Variants in GRID2 observed in about 807,000 individuals in gnomAD.
The protein encoded by GRID2 is glutamate ionotropic receptor delta type subunit 2.
GRID2 carries 33 observed loss-of-function variants against 114.8 expected under a neutral mutation model. The ratio of observed to expected loss-of-function variants is 0.29; its 90% CI spans 0.22 to 0.38. The LOEUF is 0.38. Among genes scored for constraint, GRID2 ranks in the 10% least tolerant of loss-of-function variants. GRID2 has a pLI of 1.00. For synonymous variants in GRID2, 505 were observed against 449.9 expected, an observed-to-expected ratio of 1.12 and a Z score of -1.55; for missense variants, 1,184 against 1,257.7, an observed-to-expected ratio of 0.94 and a Z score of 0.89.
At chr4:92,537,750 C>T (rs1026821076) in intron 1 of GRID2, among the ~76,000 whole-genome samples, 5 of 150,588 alleles carry the variant, frequency 3.3e-5, no homozygotes, top group Non-Finnish European at 1.5e-5. Flanking sequence ...GGAATACAAA[C>T]AGCTGGCAAG....
intron 2 of GRID2, among the ~76,000 whole-genome samples, chr4:92,903,240 A>G (rs1283617227): frequency 2.7e-5 from 4 of 148,584 alleles, no homozygotes; most frequent in Admixed American, 6.7e-5. Context: ...TCTTGAAGGG[A>G]AAAAAAAAAC....
At chr4:92,474,276 C>T (rs1342270044) in intron 1 of GRID2, among the ~76,000 whole-genome samples, 2 of 151,892 alleles carry the variant, frequency 1.3e-5, no homozygotes, top group African/African-American at 4.8e-5. Flanking sequence ...ATATTTTTAT[C>T]TTTCTATGTC....
chr4:93,319,482 T>C (rs1219907814), intron 8 of GRID2: 1 of 151,656 alleles, frequency 6.6e-6, no homozygotes, highest in African/African-American at 2.4e-5. Flanking sequence ...CTCACCTTTG[T>C]TTTTTTTCCC....
intron 2 of GRID2, among the ~76,000 whole-genome samples, chr4:92,974,490 T>C (rs1000091575): frequency 2.0e-5 from 3 of 152,078 alleles, no homozygotes; most frequent in African/African-American, 7.2e-5. Flanking sequence ...ATATACACCA[T>C]GGAATACTTT....
At chr4:93,185,128 A>G (rs1740282099) in intron 4 of GRID2, among the ~76,000 whole-genome samples, 1 of 152,192 alleles carries the variant, frequency 6.6e-6, no homozygotes, top group African/African-American at 2.4e-5. Flanking sequence ...TGATTGACTT[A>G]TCCTTTAACT....
intron 10 of GRID2, among the ~76,000 whole-genome samples, chr4:93,440,886 C>T (rs1213367415): frequency 4.6e-5 from 7 of 152,036 alleles, no homozygotes; most frequent in South Asian, 2.1e-4. Flanking sequence ...AGATGGCAAG[C>T]GCAGATAAGT....
chr4:93,195,662 G>A (rs1741414327), intron 4 of GRID2, among the ~76,000 whole-genome samples: 1 of 152,100 alleles, frequency 6.6e-6, no homozygotes, highest in South Asian at 2.1e-4. Context: ...ACTATATACA[G>A]AAAAAGAATG....
chr4:93,015,953 A>C (rs1249653953), intron 2 of GRID2, among the ~76,000 whole-genome samples: 1 of 152,114 alleles, frequency 6.6e-6, no homozygotes, highest in East Asian at 1.9e-4. Flanking sequence ...AACAAATACA[A>C]ACCAAAGTTG....
intron 4 of GRID2, among the ~76,000 whole-genome samples, chr4:93,168,861 A>C (rs573725788): frequency 6.6e-6 from 1 of 152,164 alleles, no homozygotes; most frequent in Non-Finnish European, 1.5e-5. Flanking sequence ...AATGTGGTCC[A>C]TTTGTGCCCA....
chr4:92,794,455 C>G (rs1237156254), intron 2 of GRID2, among the ~76,000 whole-genome samples: 3 of 151,802 alleles, frequency 2.0e-5, no homozygotes, highest in Non-Finnish European at 4.4e-5. Flanking sequence ...AATACCAAAA[C>G]AAGATTCTCT....
At chr4:93,378,867 C>A (rs1228219011) in intron 8 of GRID2, among the ~76,000 whole-genome samples, 1 of 151,960 alleles carries the variant, frequency 6.6e-6, no homozygotes, top group Non-Finnish European at 1.5e-5. Flanking sequence ...GAATGATGTC[C>A]CAACTGAAAA....
chr4:93,210,558 T>G (rs1743339028), intron 5 of GRID2, among the ~76,000 whole-genome samples: 1 of 151,942 alleles, frequency 6.6e-6, no homozygotes, highest in African/African-American at 2.4e-5. Context: ...CTTAGGATTT[T>G]GTTTTTTGAT....
At chr4:93,546,599 A>G (rs889704620) in intron 13 of GRID2, among the ~76,000 whole-genome samples, 1 of 152,200 alleles carries the variant, frequency 6.6e-6, no homozygotes, top group South Asian at 2.1e-4. Flanking sequence ...GTTAAATTAT[A>G]AAAGTGCTCT....
chr4:92,748,839 T>C (rs1377792760), intron 2 of GRID2, among the ~76,000 whole-genome samples: 1 of 151,180 alleles, frequency 6.6e-6, no homozygotes, highest in East Asian at 1.9e-4. Context: ...TTTTTTTGTA[T>C]TTTTACTAAA....
chr4:92,696,790 T>C (rs1031024417), intron 2 of GRID2, among the ~76,000 whole-genome samples: 1 of 152,170 alleles, frequency 6.6e-6, no homozygotes, highest in Non-Finnish European at 1.5e-5. Flanking sequence ...GAGACATTAA[T>C]GTGTGTGTCA....
intron 4 of GRID2, among the ~76,000 whole-genome samples, chr4:93,204,433 G>C (rs2149465111): frequency 6.6e-6 from 1 of 152,194 alleles, no homozygotes; most frequent in African/African-American, 2.4e-5. Context: ...CTGTAGTAAT[G>C]TGCTAATGTT....
chr4:92,820,593 G>A (rs1002804965), intron 2 of GRID2, among the ~76,000 whole-genome samples: 28 of 152,114 alleles, frequency 1.8e-4, no homozygotes, highest in Admixed American at 5.2e-4. Flanking sequence ...TTTATAGAAA[G>A]TGTTTAGCTT....
chr4:93,098,281 A>C (rs1158435428), intron 3 of GRID2, among the ~76,000 whole-genome samples: 1 of 152,006 alleles, frequency 6.6e-6, no homozygotes, highest in Non-Finnish European at 1.5e-5. Context: ...TTGGCTTAAC[A>C]TGCTAGTCAT....
chr4:92,705,326 A>G (rs1243773248), intron 2 of GRID2, among the ~76,000 whole-genome samples: 1 of 152,236 alleles, frequency 6.6e-6, no homozygotes, highest in African/African-American at 2.4e-5. Flanking sequence ...ACAATAAAGA[A>G]CATTCATGTA....
Sources: allele counts gnomAD v4.1 joint callset (sites outside exome capture counted in the v4.1 genomes callset), GRCh38; gene constraint gnomAD v4.1.1; transcripts MANE v1.5; gene names NCBI Gene and HGNC (gene_info 2026-07-23, HGNC 2026-07-21).